Variants in MARCO observed in about 807,000 individuals in gnomAD.
The protein encoded by MARCO is macrophage receptor MARCO.
Under a neutral mutation model 70.0 loss-of-function variants are expected in MARCO, and 72 were observed. That is an observed-to-expected ratio of 1.03 (90% CI 0.85 to 1.25). The LOEUF (loss-of-function observed/expected upper bound fraction) is 1.25. Ranked by LOEUF, MARCO falls within the 50% of genes most tolerant of loss-of-function variation. The probability of loss-of-function intolerance (pLI) is 0.00; values close to 1 mark genes in which losing one functional copy is unlikely to be tolerated. For missense variants in MARCO, 696 were observed against 659.3 expected (o/e 1.06, Z -0.61); for synonymous variants, 273 against 243.1 (o/e 1.12, Z -1.14).
chr2:118,991,733 A>C lies in MARCO; in HGVS notation c.1109-44A>C, dbSNP rs988105200. 2.4e-6 allele frequency: 3 copies of C among 1,243,672 alleles called. No individual in the cohort carries two copies. In the African/African-American group the frequency reaches 4.5e-5, roughly 19 times the overall value. 77.0% of individuals were successfully genotyped at this position (1,243,672 alleles called of 1,614,324 possible). On this transcript the variant is annotated intron_variant, in intron 13 of 16. Coordinates refer to ENST00000327097, the MANE Select transcript of MARCO (RefSeq NM_006770.4). ...TAATGCCCTTGGGTCTCTCTTGGGA[A>C]GGCAAAGCAGGGCACCTGATCAGGG... is the stretch of plus-strand genomic sequence containing the variant.
At position 118,981,444 on chromosome 2, in the gene MARCO, G is replaced by C; in HGVS notation, c.802G>C (p.Gly268Arg). The C allele has an allele frequency of 1.3e-5, 20 of 1,595,734 alleles. No homozygotes were observed. Among genetic ancestry groups the C allele is most frequent in the Non-Finnish European group, 1.7e-5 (20 of 1,175,920 alleles). The part of the protein sequence containing the change: ...KGDRGMKGDA[G>R]VMGPPGAQGS... Reference sequence around the variant, plus strand: ...GGACAGGGGCATGAAAGGAGATGCAGGGGTCATGGGGCCTCCTGGAGCCCA... The same window carrying C: ...GGACAGGGGCATGAAAGGAGATGCACGGGTCATGGGGCCTCCTGGAGCCCA... Residue 268 changes from glycine to arginine, a missense_variant, in exon 9 of 17, where the codon GGG becomes CGG. Coordinates refer to ENST00000327097, the MANE Select transcript of MARCO (RefSeq NM_006770.4).
At chr2:118,971,570 T>C in intron 4 of MARCO, 36 bp downstream of exon 4, 1 of 1,611,266 alleles carries the variant, frequency 6.2e-7, no homozygotes, top group African/African-American at 1.3e-5. Flanking sequence ...CCCTGCTCTT[T>C]CCCCAAAACC....
In MARCO at chr2:118,990,569, C is replaced by CGGGTGGGGG; in HGVS notation, c.1064-20_1064-19insGGGTGGGGG. 7.1e-7 allele frequency: 1 copy of CGGGTGGGGG among 1,415,984 alleles called. No individual in the cohort carries two copies. Among genetic ancestry groups the CGGGTGGGGG allele is most frequent in the Non-Finnish European group, 9.7e-7 (1 of 1,028,340 alleles). 87.7% of individuals were successfully genotyped at this position (1,415,984 alleles called of 1,614,324 possible). A position where few individuals can be genotyped will look rare whatever the true frequency, so the allele number is the denominator to read the frequency against. On this transcript the variant is annotated intron_variant, in intron 12 of 16. Coordinates refer to ENST00000327097, the MANE Select transcript of MARCO (RefSeq NM_006770.4). ...AGTTTTATTATCTCCTCCCCCCCCCCTTTTTTGTTTTGATCTTAGGACTTC... is the reference window on the plus strand; with the variant it reads ...AGTTTTATTATCTCCTCCCCCCCCCCGGGTGGGGGTTTTTTGTTTTGATCTTAGGACTTC...
chr2:118,964,645 T>G (rs1680009732), intron 1 of MARCO, among the ~76,000 whole-genome samples: 1 of 152,136 alleles, frequency 6.6e-6, no homozygotes, highest in Admixed American at 6.5e-5. Flanking sequence ...CCCAGCATTT[T>G]GGGAGGCTGA....
chr2:118,954,024 A>C (rs1025131276), intron 1 of MARCO, among the ~76,000 whole-genome samples: 1 of 152,202 alleles, frequency 6.6e-6, no homozygotes, highest in African/African-American at 2.4e-5. Flanking sequence ...AGGATTCTCT[A>C]GCTGAACTTT....
At chr2:118,991,253 G>GTT (rs543393291) in intron 13 of MARCO, among the ~76,000 whole-genome samples, 4,552 of 143,778 alleles carry the variant, frequency 0.032, 192 homozygotes, top group African/African-American at 0.092. Flanking sequence ...ATGTTTTATG[G>GTT]TTTTTTTTTT....
At chr2:118,973,193 A>C (rs925600941) in intron 4 of MARCO, among the ~76,000 whole-genome samples, 1 of 150,882 alleles carries the variant, frequency 6.6e-6, no homozygotes, top group Admixed American at 6.6e-5. Flanking sequence ...ACAGAGAAAA[A>C]CTCCAACTCT....
intron 12 of MARCO, among the ~76,000 whole-genome samples, chr2:118,985,195 A>G (rs2104601888): frequency 6.6e-6 from 1 of 152,300 alleles, no homozygotes; most frequent in Non-Finnish European, 1.5e-5. Flanking sequence ...CATGAACTGA[A>G]TTCAGAAGTG....
rs151295542 is a variant in MARCO, at chr2:118,988,744, T to A, written c.1064-1845T>A. Among the ~76,000 whole-genome samples the A allele has an allele frequency of 1.4e-3, 218 of 152,246 alleles. 3 individuals are homozygous for A. The highest frequency in any genetic ancestry group is 4.5e-3 in the African/African-American group (187 of 41,580). ...AACATCTGTCGCTTCTCCTGGGCAA[T>A]CTCAGCTAAGCCCTTCAGGTCAATA... is the stretch of plus-strand genomic sequence containing the variant. On this transcript the variant is annotated intron_variant, in intron 12 of 16. Coordinates refer to ENST00000327097, the MANE Select transcript of MARCO (RefSeq NM_006770.4).
intron 1 of MARCO, among the ~76,000 whole-genome samples, chr2:118,953,789 C>T (rs752344982): frequency 2.6e-5 from 4 of 152,230 alleles, no homozygotes; most frequent in Non-Finnish European, 2.9e-5. Flanking sequence ...CCTGAACACA[C>T]ACCCTCACTG....
Position 118,977,492 on chromosome 2 carries a change from C to T in MARCO, c.635C>T (p.Ala212Val), listed in dbSNP as rs769916289. The T allele has an allele frequency of 1.9e-6, 3 of 1,613,966 alleles. No individual in the cohort carries two copies. In the African/African-American group the frequency reaches 4.0e-5, roughly 22 times the overall value. Reference protein sequence around the residue: ...GEAGLQGPQGAPGKQGATGTP... With the variant: ...GEAGLQGPQGVPGKQGATGTP... ...ACAGGCCTCCAAGGACCCCAGGGTG[C>T]TCCAGGGAAGCAAGGAGCCACTGGT... The change falls in exon 7 of 17, where the codon GCT becomes GTT. Residue 212 changes from alanine (A) to valine (V), a missense_variant. Coordinates refer to ENST00000327097, the MANE Select transcript of MARCO (RefSeq NM_006770.4).
chr2:118,976,757 G>A (rs895211218), intron 6 of MARCO, among the ~76,000 whole-genome samples: 3 of 152,152 alleles, frequency 2.0e-5, no homozygotes, highest in Non-Finnish European at 2.9e-5. Context: ...TCAGCCTGGG[G>A]AGTGACAGAG....
At chr2:118,961,197 C>T (rs969872817) in intron 1 of MARCO, among the ~76,000 whole-genome samples, 1 of 152,138 alleles carries the variant, frequency 6.6e-6, no homozygotes, top group Non-Finnish European at 1.5e-5. Flanking sequence ...CTGCAATGAA[C>T]ATACATGTGC....
intron 12 of MARCO, among the ~76,000 whole-genome samples, chr2:118,989,537 C>T (rs946930287): frequency 6.6e-6 from 1 of 152,182 alleles, no homozygotes; most frequent in Non-Finnish European, 1.5e-5. Flanking sequence ...ACTTCTCTTG[C>T]TCGTTATTCC....
At chr2:118,980,433 G>A (rs377170087) in intron 8 of MARCO, among the ~76,000 whole-genome samples, 1 of 152,140 alleles carries the variant, frequency 6.6e-6, no homozygotes, top group Non-Finnish European at 1.5e-5. Context: ...AAGACCCAGG[G>A]CTCTCCCTTC....
At chr2:118,983,238 A>C (rs916634887) in intron 12 of MARCO, among the ~76,000 whole-genome samples, 3 of 152,216 alleles carry the variant, frequency 2.0e-5, no homozygotes, top group Admixed American at 1.3e-4. Flanking sequence ...ATCTGTAGAC[A>C]GTCTGCCTCC....
At chr2:118,989,777 T>C (rs770479547) in intron 12 of MARCO, among the ~76,000 whole-genome samples, 22 of 152,212 alleles carry the variant, frequency 1.4e-4, no homozygotes, top group Non-Finnish European at 2.9e-4. Flanking sequence ...TAACTGTTAT[T>C]GATAGTCAAT....
chr2:118,970,910 C>T (rs1474697283), intron 3 of MARCO, among the ~76,000 whole-genome samples: 2 of 152,234 alleles, frequency 1.3e-5, no homozygotes, highest in Non-Finnish European at 2.9e-5. Context: ...ACACAGAGCT[C>T]CAGCCCCAGC....
chr2:118,944,319 C>T (rs886145092), intron 1 of MARCO, among the ~76,000 whole-genome samples: 2 of 152,178 alleles, frequency 1.3e-5, no homozygotes, highest in Admixed American at 6.5e-5. Context: ...TATGCATTCA[C>T]AACATCCTGC....
Sources: allele counts gnomAD v4.1 joint callset (sites outside exome capture counted in the v4.1 genomes callset), GRCh38; gene constraint gnomAD v4.1.1; transcripts MANE v1.5; gene names NCBI Gene and HGNC (gene_info 2026-07-23, HGNC 2026-07-21).